The following RASGRF2 variants were observed in gnomAD, a reference collection of about 807,000 sequenced individuals.
The protein encoded by RASGRF2 is Ras protein specific guanine nucleotide releasing factor 2, also known as ras-specific guanine nucleotide-releasing factor 2.
Under a neutral mutation model 151.0 loss-of-function variants are expected in RASGRF2, and 76 were observed. That is an observed-to-expected ratio of 0.50 (90% confidence interval 0.42 to 0.61). RASGRF2 has a LOEUF of 0.61. Ranked by LOEUF, RASGRF2 falls within the 20% of genes least tolerant of loss-of-function variation. The pLI is 0.00. For missense variants in RASGRF2, 1,148 were observed against 1,564.6 expected, an observed-to-expected ratio of 0.73 and a Z score of 4.49; for synonymous variants, 504 against 566.5, an observed-to-expected ratio of 0.89 and a Z score of 1.57.
chr5:80,964,488 A>G (rs752609356), intron 1 of RASGRF2, among the ~76,000 whole-genome samples: 27 of 152,120 alleles, frequency 1.8e-4, no homozygotes, highest in Non-Finnish European at 2.9e-5. Context: ...GATGAGTATT[A>G]ACATCATCGT....
At chr5:80,984,565 A>G (rs1735793154) in intron 1 of RASGRF2, among the ~76,000 whole-genome samples, 1 of 152,240 alleles carries the variant, frequency 6.6e-6, no homozygotes, top group Admixed American at 6.5e-5. Context: ...TTATTCTTCT[A>G]TCATATGTGT....
rs2112471880 is a variant in RASGRF2 at position 81,077,325 on chromosome 5, G to C, written c.888-2796G>C. 1.3e-5 allele frequency among the ~76,000 whole-genome samples: 2 copies of C among 152,286 alleles called. 1 individual carries two copies. The highest frequency in any genetic ancestry group is 6.8e-3 in the Middle Eastern group (2 of 294). ...ATGGAGGACAAGATCTTTGGAGGAAGAGTTCAAGGTCCTGTGAGGCCAGGA... is the reference window on the plus strand; with the variant it reads ...ATGGAGGACAAGATCTTTGGAGGAACAGTTCAAGGTCCTGTGAGGCCAGGA... On this transcript the variant is annotated intron_variant, in intron 5 of 26. Coordinates refer to ENST00000265080, the MANE Select transcript of RASGRF2 (RefSeq NM_006909.3).
At position 81,070,364 on chromosome 5, in the gene RASGRF2, G is replaced by A. The variant is rs114373855; in HGVS notation, c.544-128G>A. 1,130 of 711,518 alleles carry A rather than the reference G, an allele frequency of 1.6e-3. 10 individuals are homozygous for A. The African/African-American group carries it at 0.018, about 11-fold the overall frequency. The allele number at this position is 711,518 out of a possible 1,614,324, so 44.1% of individuals were successfully genotyped here. Reference sequence around the variant, plus strand: ...CCCCCATCTCAGCACCAAAGGAAGAGAGTGTGCATAAAAAGTGGGTGTTTC... The same window carrying A: ...CCCCCATCTCAGCACCAAAGGAAGAAAGTGTGCATAAAAAGTGGGTGTTTC... On this transcript the variant is annotated intron_variant, in intron 3 of 26. Coordinates refer to ENST00000265080, the MANE Select transcript of RASGRF2 (RefSeq NM_006909.3).
intron 2 of RASGRF2, among the ~76,000 whole-genome samples, chr5:81,054,092 G>A (rs1751116460): frequency 6.6e-6 from 1 of 152,164 alleles, no homozygotes; most frequent in East Asian, 1.9e-4. Context: ...TCACTCTGAT[G>A]GTAGTTTCTT....
intron 2 of RASGRF2, among the ~76,000 whole-genome samples, chr5:81,051,073 T>C (rs1750994193): frequency 6.6e-6 from 1 of 152,208 alleles, no homozygotes; most frequent in South Asian, 2.1e-4. Context: ...ATATTTACTA[T>C]ATAAATTATC....
chr5:81,143,930 C>A (rs1424304636), intron 17 of RASGRF2, among the ~76,000 whole-genome samples: 1 of 150,726 alleles, frequency 6.6e-6, no homozygotes, highest in African/African-American at 2.4e-5. Flanking sequence ...GTTTCCTGGA[C>A]TTTTTGGTTA....
intron 23 of RASGRF2, among the ~76,000 whole-genome samples, chr5:81,213,343 C>T (rs55733870): frequency 0.018 from 2,368 of 132,556 alleles, 53 homozygotes; most frequent in African/African-American, 0.057. Context: ...GTCTCAGGGG[C>T]GAGGGGGAAA....
chr5:81,172,296 C>A (rs1754674785), intron 17 of RASGRF2, among the ~76,000 whole-genome samples: 1 of 151,914 alleles, frequency 6.6e-6, no homozygotes, highest in Admixed American at 6.6e-5. Flanking sequence ...ACTATGAGAA[C>A]AATTTAATTG....
intron 25 of RASGRF2, 96 bp downstream of exon 25, chr5:81,217,569 C>CAAT: frequency 4.7e-6 from 2 of 421,218 alleles, no homozygotes; most frequent in Non-Finnish European, 6.8e-6. Context: ...TTTTTTTTTT[C>CAAT]TCTTCTTTTT....
intron 1 of RASGRF2, among the ~76,000 whole-genome samples, chr5:81,003,445 G>C (rs372398752): frequency 1.6e-4 from 24 of 152,134 alleles, no homozygotes; most frequent in Non-Finnish European, 2.6e-4. Flanking sequence ...GGATGGTCTC[G>C]ATCTACTGAC....
At chr5:81,087,050 G>GT (rs1412398611) in intron 9 of RASGRF2, 97 bp downstream of exon 9, 139 of 1,151,734 alleles carry the variant, frequency 1.2e-4, no homozygotes, top group Non-Finnish European at 1.8e-5. Flanking sequence ...GGCGTGACGG[G>GT]TGCGGTGCCC....
chr5:81,031,137 C>A (rs961562568), intron 1 of RASGRF2, among the ~76,000 whole-genome samples: 3 of 152,186 alleles, frequency 2.0e-5, no homozygotes, highest in African/African-American at 7.2e-5. Context: ...CAGGAGCACC[C>A]AGATTCATAA....
At chr5:81,011,752 CAAAA>C (rs10573749) in intron 1 of RASGRF2, among the ~76,000 whole-genome samples, 2 of 147,152 alleles carry the variant, frequency 1.4e-5, no homozygotes, top group Admixed American at 6.7e-5. Flanking sequence ...AACAAACAAA[CAAAA>C]AAAAAAAAAG....
intron 17 of RASGRF2, among the ~76,000 whole-genome samples, chr5:81,165,776 C>T (rs1754492035): frequency 6.6e-6 from 1 of 152,114 alleles, no homozygotes; most frequent in Admixed American, 6.6e-5. Context: ...GTGATGCCCA[C>T]TCTCTTCATG....
chr5:81,177,357 C>T (rs1250163418), intron 17 of RASGRF2, among the ~76,000 whole-genome samples: 1 of 151,818 alleles, frequency 6.6e-6, no homozygotes, highest in African/African-American at 2.4e-5. Context: ...AGATGCCTGT[C>T]TACATTCGAA....
chr5:81,140,458 ACACT>A (rs1474264763), intron 17 of RASGRF2, among the ~76,000 whole-genome samples: 4 of 152,046 alleles, frequency 2.6e-5, no homozygotes, highest in African/African-American at 4.8e-5. Flanking sequence ...GCACACACGC[ACACT>A]CACTCACATT....
chr5:80,994,769 C>T (rs1203953338), intron 1 of RASGRF2, among the ~76,000 whole-genome samples: 1 of 152,140 alleles, frequency 6.6e-6, no homozygotes, highest in East Asian at 1.9e-4. Flanking sequence ...TATGTACTCT[C>T]GAGGGAATTA....
intron 2 of RASGRF2, among the ~76,000 whole-genome samples, chr5:81,047,614 A>G (rs1334887792): frequency 3.3e-5 from 5 of 152,376 alleles, no homozygotes; most frequent in South Asian, 4.1e-4. Flanking sequence ...AAAGAATTAC[A>G]AAAAGGAATA....
chr5:81,030,741 A>C (rs904240415), intron 1 of RASGRF2, among the ~76,000 whole-genome samples: 1 of 152,232 alleles, frequency 6.6e-6, no homozygotes, highest in African/African-American at 2.4e-5. Context: ...AACCGCATCA[A>C]CTAAGGAGCA....
Sources: gnomAD v4.1 joint callset for allele counts (sites outside exome capture counted in the v4.1 genomes callset) on GRCh38, gnomAD v4.1.1 for gene constraint, MANE v1.5 for transcripts, NCBI Gene and HGNC (gene_info 2026-07-23, HGNC 2026-07-21) for gene names.